ASPH: variants seen among roughly 807,000 people sequenced by gnomAD.
The protein encoded by ASPH is aspartate beta-hydroxylase, also known as aspartyl/asparaginyl beta-hydroxylase.
In ASPH, 100 loss-of-function variants were observed where a neutral mutation model predicts 118.4. That is an observed-to-expected ratio of 0.84 (90% CI 0.72 to 1.00). The LOEUF (loss-of-function observed/expected upper bound fraction) is 1.00. ASPH is among the 50% of genes least tolerant of loss of function. The probability of loss-of-function intolerance (pLI) is 0.00; values close to 1 mark genes in which losing one functional copy is unlikely to be tolerated. For synonymous variants in ASPH, 315 were observed against 325.6 expected (o/e 0.97, Z 0.35); for missense variants, 920 against 919.5 (o/e 1.00, Z -0.01).
chr8:61,647,986 T>G (rs896968392), intron 5 of ASPH, among the ~76,000 whole-genome samples: 1 of 152,130 alleles, frequency 6.6e-6, no homozygotes, highest in Non-Finnish European at 1.5e-5. Context: ...AGAAAGTGAA[T>G]GGGCAGGACT....
intron 21 of ASPH, among the ~76,000 whole-genome samples, chr8:61,542,708 T>C (rs1822397689): frequency 6.6e-6 from 1 of 152,194 alleles, no homozygotes; most frequent in Non-Finnish European, 1.5e-5. Flanking sequence ...TTTCTTCATG[T>C]GGATTTGTAT....
intron 16 of ASPH, among the ~76,000 whole-genome samples, chr8:61,571,405 C>G (rs1833440811): frequency 6.7e-6 from 1 of 150,276 alleles, no homozygotes; most frequent in Non-Finnish European, 1.5e-5. Context: ...GCTCAGGTTC[C>G]TGATATAAAA....
chr8:61,608,568 T>C (rs1479335937), intron 14 of ASPH, among the ~76,000 whole-genome samples: 1 of 152,246 alleles, frequency 6.6e-6, no homozygotes, highest in Non-Finnish European at 1.5e-5. Context: ...GTTGGCTTTA[T>C]ATTTTATTAA....
intron 7 of ASPH, 152 bp downstream of exon 7, chr8:61,644,448 A>C (rs974477207): frequency 8.6e-6 from 5 of 580,204 alleles, no homozygotes; most frequent in Non-Finnish European, 1.1e-5. Flanking sequence ...ACAAAGAAAT[A>C]CCATAAATAT....
At chr8:61,712,628 CCTGA>C (rs1434761355) in intron 1 of ASPH, among the ~76,000 whole-genome samples, 4 of 152,146 alleles carry the variant, frequency 2.6e-5, no homozygotes, top group African/African-American at 7.2e-5. Flanking sequence ...TTCTAAAATG[CCTGA>C]CTATGAAAGT....
At chr8:61,609,893 C>T (rs1846788797) in intron 14 of ASPH, among the ~76,000 whole-genome samples, 1 of 152,088 alleles carries the variant, frequency 6.6e-6, no homozygotes, top group Admixed American at 6.5e-5. Context: ...CTTTTTATGG[C>T]ACATTTTTTG....
Position 61,642,913 on chromosome 8 carries a change from T to G in ASPH, c.765A>C (p.Val255=). The change falls in exon 10 of 25, where the codon GTA becomes GTC. Residue 255 remains valine (V), a synonymous_variant. Transcript: ENST00000379454. ...CTTGTTCCTCATAGACTTGGTATGTTACATCATCTGAAAAAAAAAAGAGAA... is the reference window on the plus strand; with the variant it reads ...CTTGTTCCTCATAGACTTGGTATGTGACATCATCTGAAAAAAAAAAGAGAA... ...DERLHHDTDD[V]TYQVYEEQAV... 6.4e-7 allele frequency: 1 copy of G among 1,558,164 alleles called. No homozygotes were observed. Among genetic ancestry groups the G allele is most frequent in the Admixed American group, 2.3e-5 (1 of 44,250 alleles).
rs572597193 is a variant in ASPH at position 61,584,700 on chromosome 8, A to G, written c.977-671T>C. ...TCTTTTTTTTTTTCTGTAGAAACAG[A>G]GTCTCACTATGTCACCCAGGCTGGT... is the stretch of plus-strand genomic sequence containing the variant. On this transcript the variant is annotated intron_variant, in intron 14 of 24. Coordinates refer to ENST00000379454, the MANE Select transcript of ASPH (RefSeq NM_004318.4). Among the ~76,000 whole-genome samples the G allele has an allele frequency of 4.8e-4, 67 of 139,148 alleles. 1 individual carries two copies. Among genetic ancestry groups the G allele is most frequent in the African/African-American group, 1.4e-3 (51 of 36,426 alleles). 91.3% of individuals were successfully genotyped at this position (139,148 alleles called of 152,430 possible).
At chr8:61,595,212 T>C (rs542950442) in intron 14 of ASPH, among the ~76,000 whole-genome samples, 31 of 152,150 alleles carry the variant, frequency 2.0e-4, no homozygotes, top group Non-Finnish European at 4.1e-4. Context: ...GTAGAGGTGG[T>C]AGGCATGACA....
chr8:61,534,252 A>T (rs922968933), intron 21 of ASPH, among the ~76,000 whole-genome samples: 2 of 152,170 alleles, frequency 1.3e-5, no homozygotes, highest in Non-Finnish European at 2.9e-5. Context: ...CAGCCCACTC[A>T]TATTTTCTAT....
intron 17 of ASPH, among the ~76,000 whole-genome samples, chr8:61,564,578 C>T (rs1339715509): frequency 2.6e-5 from 4 of 152,132 alleles, no homozygotes; most frequent in African/African-American, 7.2e-5. Flanking sequence ...GGATTACAGG[C>T]GTGAGCCACT....
chr8:61,569,971 T>C (rs942353536), intron 16 of ASPH, among the ~76,000 whole-genome samples: 3 of 145,786 alleles, frequency 2.1e-5, no homozygotes, highest in African/African-American at 8.3e-5. Context: ...AGAATATGAA[T>C]GTTGATAGAT....
intron 14 of ASPH, among the ~76,000 whole-genome samples, chr8:61,588,335 A>G (rs1563931294): frequency 6.6e-6 from 1 of 152,248 alleles, no homozygotes; most frequent in Non-Finnish European, 1.5e-5. Flanking sequence ...GGAAAATAAA[A>G]GGATAGCTGA....
In ASPH at chr8:61,555,964, T is replaced by G; in HGVS notation, c.1496A>C (p.Lys499Thr). 6.2e-7 allele frequency: 1 copy of G among 1,614,080 alleles called. No individual in the cohort carries two copies. The highest frequency in any genetic ancestry group is 8.5e-7 in the Non-Finnish European group (1 of 1,179,992). Reference sequence around the variant, plus strand: ...GCTCTCAGCAATTTTGTTCTGTGCCTTCAGGATGAAGCCATAATGGACTTT... The same window carrying G: ...GCTCTCAGCAATTTTGTTCTGTGCCGTCAGGATGAAGCCATAATGGACTTT... ...FAKVHYGFIL[K>T]AQNKIAESIP... The change falls in exon 19 of 25, where the codon AAG becomes ACG. Residue 499 changes from lysine (K) to threonine (T), a missense_variant. By Grantham distance (78) the Lys-to-Thr change is moderately conservative. Coordinates refer to ENST00000379454, the MANE Select transcript of ASPH (RefSeq NM_004318.4).
intron 10 of ASPH, among the ~76,000 whole-genome samples, chr8:61,642,136 A>C (rs1805417506): frequency 6.6e-6 from 1 of 152,212 alleles, no homozygotes; most frequent in South Asian, 2.1e-4. Context: ...CTGATGCCAC[A>C]AATTTGCCAG....
intron 18 of ASPH, among the ~76,000 whole-genome samples, chr8:61,558,589 C>T (rs1828712218): frequency 6.6e-6 from 1 of 152,134 alleles, no homozygotes; most frequent in Non-Finnish European, 1.5e-5. Flanking sequence ...GGTGGACAGC[C>T]ATGTGTCCCA....
intron 13 of ASPH, among the ~76,000 whole-genome samples, chr8:61,626,475 C>A (rs1047089339): frequency 7.9e-5 from 12 of 152,142 alleles, no homozygotes; most frequent in African/African-American, 2.9e-4. Context: ...TGCAAAGCTG[C>A]TGATGAAAAT....
At chr8:61,612,181 A>C (rs1261806865) in intron 14 of ASPH, among the ~76,000 whole-genome samples, 1 of 152,200 alleles carries the variant, frequency 6.6e-6, no homozygotes, top group Non-Finnish European at 1.5e-5. Flanking sequence ...TGGAATCTTA[A>C]TAGTGAAATG....
intron 3 of ASPH, chr8:61,663,119 C>T (rs961005172): frequency 2.8e-5 from 28 of 985,232 alleles, no homozygotes; most frequent in Middle Eastern, 5.2e-4. Flanking sequence ...AGATCTAACA[C>T]GGGGATATGG....
Sources: allele counts gnomAD v4.1 joint callset (sites outside exome capture counted in the v4.1 genomes callset), GRCh38; gene constraint gnomAD v4.1.1; transcripts MANE v1.5; gene names NCBI Gene and HGNC (gene_info 2026-07-23, HGNC 2026-07-21).